Variants in TMEM67 observed in about 807,000 individuals in gnomAD.
TMEM67 encodes transmembrane protein 67.
In TMEM67, 124 loss-of-function variants were observed where a neutral mutation model predicts 136.6. That is an observed-to-expected ratio of 0.91 (90% confidence interval 0.78 to 1.05). The LOEUF is 1.05. TMEM67 is among the 50% of genes least tolerant of loss of function. The pLI, the probability that TMEM67 is intolerant of heterozygous loss-of-function variation, is 0.00. For synonymous variants in TMEM67, 364 were observed against 390.5 expected (o/e 0.93, Z 0.80); for missense variants, 1,107 against 1,178.4 (o/e 0.94, Z 0.89).
At chr8:93,784,049 C>T (rs776600809) in intron 11 of TMEM67, among the ~76,000 whole-genome samples, 2 of 152,050 alleles carry the variant, frequency 1.3e-5, no homozygotes, top group Non-Finnish European at 2.9e-5. Context: ...ACAAAAAATA[C>T]CATTATGGAA....
At chr8:93,801,419 G>C (rs1165650780) in intron 21 of TMEM67, among the ~76,000 whole-genome samples, 2 of 128,168 alleles carry the variant, frequency 1.6e-5, no homozygotes, top group Admixed American at 8.0e-5. Flanking sequence ...TTTTTTTTTT[G>C]AGACAGAGTT....
the TMEM67 span, among the ~76,000 whole-genome samples, chr8:93,826,194 A>G: frequency 1.7e-5 from 2 of 120,400 alleles, no homozygotes; most frequent in South Asian, 2.7e-4. Context: ...CAGTGGCGCT[A>G]TCTCGGCTCA....
intron 6 of TMEM67, among the ~76,000 whole-genome samples, chr8:93,770,407 A>G (rs1813278111): frequency 6.6e-6 from 1 of 152,198 alleles, no homozygotes; most frequent in South Asian, 2.1e-4. Context: ...ATATCCATTC[A>G]TACCCAAATT....
At chr8:93,768,377 C>T (rs551777581) in intron 6 of TMEM67, among the ~76,000 whole-genome samples, 3 of 151,860 alleles carry the variant, frequency 2.0e-5, no homozygotes, top group Non-Finnish European at 4.4e-5. Context: ...TTTGGGAGGC[C>T]GAGGCAGGTG....
At chr8:93,786,945 A>G (rs997801394) in intron 13 of TMEM67, among the ~76,000 whole-genome samples, 2 of 152,200 alleles carry the variant, frequency 1.3e-5, no homozygotes, top group African/African-American at 4.8e-5. Context: ...AAGTACTTCA[A>G]TATACTTATT....
Position 93,816,522 on chromosome 8 carries a change from T to G in TMEM67, c.*70T>G, listed in dbSNP as rs776754092. Reference sequence around the variant, plus strand: ...AAAAAAGTCATGATATCAGGTTAGTTTGCCATATTTTTTAAAACTTATAAT... The same window carrying G: ...AAAAAAGTCATGATATCAGGTTAGTGTGCCATATTTTTTAAAACTTATAAT... On this transcript the variant is annotated 3_prime_UTR_variant, in exon 28 of 28. Transcript: ENST00000453321. The G allele has an allele frequency of 6.0e-6, 5 of 839,590 alleles. No homozygotes were observed. The highest frequency in any genetic ancestry group is 4.9e-5 in the East Asian group (2 of 40,838). The allele number at this position is 839,590 out of a possible 1,614,324, so 52.0% of individuals were successfully genotyped here. A position where few individuals can be genotyped will look rare whatever the true frequency, so the allele number is the denominator to read the frequency against.
At chr8:93,799,426 A>G (rs1394013760) in intron 20 of TMEM67, among the ~76,000 whole-genome samples, 192 bp from the exon 21 acceptor site, 2 of 152,200 alleles carry the variant, frequency 1.3e-5, no homozygotes, top group Non-Finnish European at 2.9e-5. Flanking sequence ...GAGCTAACTA[A>G]ATATTGTGTA....
At chr8:93,766,531 G>A (rs1319912912) in intron 6 of TMEM67, among the ~76,000 whole-genome samples, 1 of 152,122 alleles carries the variant, frequency 6.6e-6, no homozygotes, top group African/African-American at 2.4e-5. Flanking sequence ...TAGATGAATT[G>A]GAACTAAAGA....
chr8:93,803,605 T>C lies in TMEM67; in HGVS notation c.2243T>C (p.Val748Ala). 1 of 1,587,770 alleles carries C rather than the reference T, an allele frequency of 6.3e-7. No homozygotes were observed. The highest frequency in any genetic ancestry group is 2.2e-5 in the East Asian group (1 of 44,660). Reference sequence around the variant, plus strand: ...CATAAACTTGACTTAATGTTTCAGGTCGTGTTCTTTGCTGTCTTTTATGAG... The same window carrying C: ...CATAAACTTGACTTAATGTTTCAGGCCGTGTTCTTTGCTGTCTTTTATGAG... ...ALWLAIGIIQVVFFAVFYERF... is the reference protein window; with the variant it reads ...ALWLAIGIIQAVFFAVFYERF... Residue 748 changes from valine to alanine, a missense_variant and splice_region_variant, in exon 22 of 28, where the codon GTC becomes GCC. Coordinates refer to ENST00000453321, the MANE Select transcript of TMEM67 (RefSeq NM_153704.6).
chr8:93,824,857 G>C, the TMEM67 span, among the ~76,000 whole-genome samples: 1 of 152,132 alleles, frequency 6.6e-6, no homozygotes, highest in African/African-American at 2.4e-5. Context: ...TGGGATTACA[G>C]GCATGTGCCA....
At position 93,781,652 on chromosome 8, in the gene TMEM67, A is replaced by T. The variant is rs555338523; in HGVS notation, c.979-6A>T. On this transcript the variant is annotated splice_region_variant and splice_polypyrimidine_tract_variant and intron_variant, in intron 9 of 27. Transcript: ENST00000453321. The stretch of plus-strand genomic sequence containing the variant: ...TGACCTGATTTTGCTCGTTTTCTTT[A>T]ATCAGAATACAAAACTGAAGTTTGT... The T allele has an allele frequency of 2.6e-6, 4 of 1,529,584 alleles. No homozygotes were observed. The South Asian group carries it at 4.7e-5, about 18-fold the overall frequency. 94.8% of individuals were successfully genotyped at this position (1,529,584 alleles called of 1,614,324 possible).
At chr8:93,783,718 T>TA (rs1489495391) in intron 11 of TMEM67, among the ~76,000 whole-genome samples, 1 of 152,190 alleles carries the variant, frequency 6.6e-6, no homozygotes, top group East Asian at 1.9e-4. Context: ...TCAGGAAACT[T>TA]ACAATCATGG....
intron 15 of TMEM67, 53 bp from the exon 16 acceptor site, chr8:93,793,145 G>C: frequency 6.6e-7 from 1 of 1,522,718 alleles, no homozygotes; most frequent in African/African-American, 1.4e-5. Context: ...CAGTGTTTTT[G>C]AACACCGATG....
chr8:93,797,599 A>G, intron 20 of TMEM67, 129 bp downstream of exon 20: 1 of 866,782 alleles, frequency 1.2e-6, no homozygotes, highest in Non-Finnish European at 1.8e-6. Context: ...TTGTGAAGCC[A>G]TTAAAAAGGA....
chr8:93,765,780 ATTAGTCTAAT>A, intron 6 of TMEM67, 134 bp downstream of exon 6: 1 of 707,284 alleles, frequency 1.4e-6, no homozygotes, highest in South Asian at 1.6e-5. Context: ...TCTAAGAAAC[ATTAGTCTAAT>A]AATTCAGCAG....
chr8:93,761,615 A>G (rs531441704), intron 3 of TMEM67, among the ~76,000 whole-genome samples: 18 of 152,358 alleles, frequency 1.2e-4, no homozygotes, highest in African/African-American at 4.3e-4. Context: ...TTAAATTATG[A>G]TATAGTCATA....
intron 23 of TMEM67, among the ~76,000 whole-genome samples, chr8:93,805,170 C>A (rs1452906173): frequency 2.0e-5 from 3 of 152,104 alleles, no homozygotes; most frequent in Non-Finnish European, 4.4e-5. Context: ...CGAGGTTTCA[C>A]CATGTTGGCC....
At chr8:93,787,822 A>G (rs371921429) in intron 13 of TMEM67, 22 bp from the exon 14 acceptor site, 171 of 1,529,308 alleles carry the variant, frequency 1.1e-4, no homozygotes, top group Non-Finnish European at 1.5e-4. Flanking sequence ...TGATTACTAT[A>G]AATGCATTTT....
intron 6 of TMEM67, 116 bp downstream of exon 6, chr8:93,765,762 A>G (rs1813057631): frequency 1.3e-6 from 1 of 752,798 alleles, no homozygotes; most frequent in African/African-American, 1.7e-5. Context: ...AAAACAGAAA[A>G]AAATCAATCT....
Sources: allele counts gnomAD v4.1 joint callset (sites outside exome capture counted in the v4.1 genomes callset), GRCh38; gene constraint gnomAD v4.1.1; transcripts MANE v1.5; gene names NCBI Gene and HGNC (gene_info 2026-07-23, HGNC 2026-07-21).